The following MECOM variants were observed in gnomAD, a reference collection of about 807,000 sequenced individuals.
MECOM encodes the protein MDS1 and EVI1 complex locus.
In MECOM, 13 loss-of-function variants were observed where a neutral mutation model predicts 116.3. The ratio of observed to expected loss-of-function variants is 0.11; its 90% CI spans 0.07 to 0.18. The LOEUF is 0.18. Ranked by LOEUF, MECOM falls within the 10% of genes least tolerant of loss-of-function variation. The pLI, the probability that MECOM is intolerant of heterozygous loss-of-function variation, is 1.00. For synonymous variants in MECOM, 528 were observed against 535.2 expected, an observed-to-expected ratio of 0.99 and a Z score of 0.19; for missense variants, 1,299 against 1,509.0, an observed-to-expected ratio of 0.86 and a Z score of 2.31.
chr3:169,542,427 G>A (rs889793159), intron 1 of MECOM, among the ~76,000 whole-genome samples: 1 of 152,126 alleles, frequency 6.6e-6, no homozygotes, highest in Non-Finnish European at 1.5e-5. Flanking sequence ...CAATGCCCTG[G>A]GGATTTAGTT....
At chr3:169,493,236 A>G (rs1753335478) in intron 1 of MECOM, among the ~76,000 whole-genome samples, 1 of 152,132 alleles carries the variant, frequency 6.6e-6, no homozygotes, top group Admixed American at 6.5e-5. Context: ...CACCGTTAAT[A>G]TGGTTTATTT....
At chr3:169,663,289 T>G in intron 1 of MECOM, 47 bp downstream of exon 1, 1 of 1,581,368 alleles carries the variant, frequency 6.3e-7, no homozygotes, top group Non-Finnish European at 8.6e-7. Flanking sequence ...ATATGCAAGA[T>G]GGCAGAGGAG....
At chr3:169,624,685 G>A (rs192378737) in intron 1 of MECOM, among the ~76,000 whole-genome samples, 90 of 152,302 alleles carry the variant, frequency 5.9e-4, no homozygotes, top group Admixed American at 2.0e-3. Context: ...GCTCTTCCTG[G>A]CTAGTAGGGC....
At chr3:169,285,565 A>G (rs374504038) in intron 2 of MECOM, among the ~76,000 whole-genome samples, 1 of 152,210 alleles carries the variant, frequency 6.6e-6, no homozygotes, top group East Asian at 1.9e-4. Flanking sequence ...AATTTCAGCT[A>G]CAAGTGTGTG....
chr3:169,091,680 A>G (rs900936823), intron 14 of MECOM, among the ~76,000 whole-genome samples: 1 of 152,024 alleles, frequency 6.6e-6, no homozygotes, highest in Admixed American at 6.6e-5. Context: ...GGTACATCCA[A>G]CTGCACACTG....
intron 2 of MECOM, among the ~76,000 whole-genome samples, chr3:169,223,422 G>T (rs1435360984): frequency 2.0e-5 from 3 of 151,446 alleles, no homozygotes; most frequent in African/African-American, 7.3e-5. Context: ...TGCTCAGAAT[G>T]ATGGTTTCTA....
At chr3:169,102,032 A>G (rs2148955817) in intron 11 of MECOM, 28 bp downstream of exon 11, 1 of 1,574,788 alleles carries the variant, frequency 6.4e-7, no homozygotes, top group South Asian at 1.2e-5. Flanking sequence ...ATTTCTGGAA[A>G]GTCAGCCATA....
At chr3:169,412,217 C>T (rs1251345448) in intron 1 of MECOM, among the ~76,000 whole-genome samples, 2 of 147,528 alleles carry the variant, frequency 1.4e-5, no homozygotes, top group Non-Finnish European at 3.0e-5. Context: ...ACCCAGGAGG[C>T]GGAGGTTGCA....
rs565275744 is a variant in MECOM, at chr3:169,267,356, C to A, written c.375+113831G>T. ...TGTCTAATTTTTGCCTTTCCATAGA[C>A]CGTATGGCCTTTAAAACCTCTCTTT... On this transcript the variant is annotated intron_variant, in intron 2 of 16. Coordinates refer to ENST00000651503, the MANE Select transcript of MECOM (RefSeq NM_004991.4). Among the ~76,000 whole-genome samples, 4 of 152,314 alleles carry A rather than the reference C, an allele frequency of 2.6e-5. No individual in the cohort carries two copies. The East Asian group carries it at 5.8e-4, about 22-fold the overall frequency.
intron 2 of MECOM, among the ~76,000 whole-genome samples, chr3:169,203,747 A>G (rs115597896): frequency 0.017 from 2,570 of 152,258 alleles, 40 homozygotes; most frequent in Non-Finnish European, 0.021. Flanking sequence ...AAGTCAGGAG[A>G]GGAAATGGAA....
intron 1 of MECOM, among the ~76,000 whole-genome samples, chr3:169,450,407 G>T (rs1233243361): frequency 6.6e-6 from 1 of 151,902 alleles, no homozygotes; most frequent in South Asian, 2.1e-4. Flanking sequence ...TTTTTTTAAG[G>T]CCATGTTCCT....
At chr3:169,170,613 T>G (rs1744276406) in intron 2 of MECOM, among the ~76,000 whole-genome samples, 1 of 152,062 alleles carries the variant, frequency 6.6e-6, no homozygotes, top group African/African-American at 2.4e-5. Flanking sequence ...GAACTATGTT[T>G]TTTTTCTCTA....
intron 1 of MECOM, among the ~76,000 whole-genome samples, chr3:169,564,825 TGCAA>T (rs386668111): frequency 0.074 from 11,248 of 152,232 alleles, 880 homozygotes; most frequent in African/African-American, 0.2. Flanking sequence ...AAACAAATGC[TGCAA>T]ACTAAACCTG....
chr3:169,454,816 C>T (rs1195379580), intron 1 of MECOM, among the ~76,000 whole-genome samples: 1 of 152,092 alleles, frequency 6.6e-6, no homozygotes, highest in African/African-American at 2.4e-5. Flanking sequence ...TGGCAAAAAA[C>T]TCAAATAATA....
chr3:169,321,406 G>A (rs1017572400), intron 2 of MECOM, among the ~76,000 whole-genome samples: 1 of 152,138 alleles, frequency 6.6e-6, no homozygotes, highest in Non-Finnish European at 1.5e-5. Context: ...TGGGCATGGT[G>A]GCACGCGCCT....
In MECOM at chr3:169,558,795, A is replaced by G. The variant is rs750851347; in HGVS notation, c.37+104541T>C. Among the ~76,000 whole-genome samples, 41 of 152,064 alleles carry G rather than the reference A, an allele frequency of 2.7e-4. 1 individual carries two copies. Among genetic ancestry groups the G allele is most frequent in the Non-Finnish European group, 4.9e-4 (33 of 68,018 alleles). On this transcript the variant is annotated intron_variant, in intron 1 of 16. Transcript: ENST00000651503. ...CAATTCTCTTTATCCTCCTACTCTC[A>G]TCCTTAAGATTCCAGGAATCATCGG... is the stretch of plus-strand genomic sequence containing the variant.
rs185494837 is a variant in MECOM at position 169,618,713 on chromosome 3, C to T, written c.37+44623G>A. 1.9e-4 allele frequency among the ~76,000 whole-genome samples: 29 copies of T among 152,058 alleles called. No individual in the cohort carries two copies. The East Asian group carries it at 4.1e-3, about 21-fold the overall frequency. ...TAACACTGGGTCATTAAACAACAAC[C>T]GATAAATTTCACCATGGCTTACACC... On this transcript the variant is annotated intron_variant, in intron 1 of 16. Coordinates refer to ENST00000651503, the MANE Select transcript of MECOM (RefSeq NM_004991.4).
intron 2 of MECOM, among the ~76,000 whole-genome samples, chr3:169,193,524 A>G (rs1297282547): frequency 6.6e-6 from 1 of 151,996 alleles, no homozygotes; most frequent in African/African-American, 2.4e-5. Flanking sequence ...AGAATAAGGA[A>G]TTATTAGCCT....
chr3:169,315,828 G>A (rs914827441), intron 2 of MECOM, among the ~76,000 whole-genome samples: 3 of 152,118 alleles, frequency 2.0e-5, no homozygotes, highest in Non-Finnish European at 4.4e-5. Flanking sequence ...CAACATTGGT[G>A]TAATGTCACC....
Sources: gnomAD v4.1 joint callset for allele counts (sites outside exome capture counted in the v4.1 genomes callset) on GRCh38, gnomAD v4.1.1 for gene constraint, MANE v1.5 for transcripts, NCBI Gene and HGNC (gene_info 2026-07-23, HGNC 2026-07-21) for gene names.